Variants in PRKAG2 observed in about 807,000 individuals in gnomAD.
The protein encoded by PRKAG2 is 5'-AMP-activated protein kinase subunit gamma-2.
PRKAG2 carries 26 observed loss-of-function variants against 69.6 expected under a neutral mutation model. The observed-to-expected ratio is 0.37, with a 90% CI of 0.27 to 0.52. The LOEUF (loss-of-function observed/expected upper bound fraction) is 0.52. Ranked by LOEUF, PRKAG2 falls within the 20% of genes least tolerant of loss-of-function variation. The probability of loss-of-function intolerance (pLI) is 0.90; values close to 1 mark genes in which losing one functional copy is unlikely to be tolerated. For missense variants in PRKAG2, 557 were observed against 740.0 expected, an observed-to-expected ratio of 0.75 and a Z score of 2.87; for synonymous variants, 293 against 285.0, an observed-to-expected ratio of 1.03 and a Z score of -0.28.
intron 1 of PRKAG2, among the ~76,000 whole-genome samples, chr7:151,868,191 T>C (rs929740419): frequency 1.3e-5 from 2 of 152,138 alleles, no homozygotes; most frequent in African/African-American, 4.8e-5. Context: ...CAACAGGAAG[T>C]AAAGGACAGG....
rs187554012 is a variant in PRKAG2 at position 151,635,080 on chromosome 7, G to A, written c.685-2942C>T. Among the ~76,000 whole-genome samples the A allele has an allele frequency of 2.9e-3, 444 of 151,942 alleles. 1 individual carries two copies. Among genetic ancestry groups the A allele is most frequent in the African/African-American group, 0.01 (423 of 41,418 alleles). The stretch of plus-strand genomic sequence containing the variant: ...TTTTCCTGTCTCAGCCTCCTGAGTA[G>A]CTAGGATTACAGGCACATGCTACCA... On this transcript the variant is annotated intron_variant, in intron 4 of 15. Transcript: ENST00000287878.
chr7:151,575,318 G>A (rs1808628873), intron 7 of PRKAG2, among the ~76,000 whole-genome samples: 1 of 152,134 alleles, frequency 6.6e-6, no homozygotes, highest in Non-Finnish European at 1.5e-5. Flanking sequence ...ACAATTCTGG[G>A]CACTTGGATT....
rs189161053 is a variant in PRKAG2 at position 151,804,968 on chromosome 7, G to A, written c.115-18427C>T. 3.5e-4 allele frequency among the ~76,000 whole-genome samples: 53 copies of A among 152,296 alleles called. 1 individual carries two copies. The highest frequency in any genetic ancestry group is 1.2e-3 in the African/African-American group (48 of 41,550). The stretch of plus-strand genomic sequence containing the variant: ...ACTGTCAAAGTCTGAAAGCCGCTGC[G>A]GAAGTGGCTCAACGCATGGCAGGCA... On this transcript the variant is annotated intron_variant, in intron 1 of 15. Transcript: ENST00000287878.
At chr7:151,765,338 G>A (rs2075676927) in intron 3 of PRKAG2, among the ~76,000 whole-genome samples, 1 of 152,172 alleles carries the variant, frequency 6.6e-6, no homozygotes, top group Non-Finnish European at 1.5e-5. Context: ...CAGATCTCGT[G>A]AGAACTCATT....
chr7:151,846,860 T>G (rs1480216946), intron 1 of PRKAG2, among the ~76,000 whole-genome samples: 1 of 152,230 alleles, frequency 6.6e-6, no homozygotes, highest in African/African-American at 2.4e-5. Context: ...CTTGGTCATA[T>G]TTGAAGAGGA....
At chr7:151,672,769 A>G (rs1832272835) in intron 4 of PRKAG2, among the ~76,000 whole-genome samples, 2 of 152,028 alleles carry the variant, frequency 1.3e-5, no homozygotes, top group Non-Finnish European at 2.9e-5. Context: ...TTGTTTATCC[A>G]TTCACGACAT....
chr7:151,575,018 G>T (rs1157099004), intron 7 of PRKAG2, 69 bp from the exon 8 acceptor site: 3 of 1,592,236 alleles, frequency 1.9e-6, no homozygotes, highest in Middle Eastern at 2.2e-4. Context: ...AATGACAAGT[G>T]AGCCTAGAAT....
At chr7:151,725,656 CAATT>C (rs959458171) in intron 3 of PRKAG2, among the ~76,000 whole-genome samples, 2 of 151,774 alleles carry the variant, frequency 1.3e-5, no homozygotes, top group African/African-American at 4.8e-5. Flanking sequence ...GGCAAAAATA[CAATT>C]ATTTATAATT....
At chr7:151,672,735 T>G (rs112882867) in intron 4 of PRKAG2, among the ~76,000 whole-genome samples, 6 of 152,184 alleles carry the variant, frequency 3.9e-5, no homozygotes, top group Non-Finnish European at 7.3e-5. Flanking sequence ...CTGGGTACTA[T>G]TCCATCATCT....
At chr7:151,743,425 T>A (rs1313228648) in intron 3 of PRKAG2, among the ~76,000 whole-genome samples, 2 of 152,160 alleles carry the variant, frequency 1.3e-5, no homozygotes, top group Non-Finnish European at 2.9e-5. Context: ...GGGAGTGAAA[T>A]CAGAGCTCAG....
chr7:151,806,863 G>A (rs903803639), intron 1 of PRKAG2: 5 of 409,950 alleles, frequency 1.2e-5, no homozygotes, highest in African/African-American at 1.0e-4. Flanking sequence ...CTACTCAGGA[G>A]GCTGAGCCAC....
intron 6 of PRKAG2, among the ~76,000 whole-genome samples, chr7:151,587,053 C>T (rs973439547): frequency 1.4e-4 from 21 of 152,126 alleles, no homozygotes; most frequent in African/African-American, 4.6e-4. Flanking sequence ...CCTAGCTTCT[C>T]GGGAGGCTGA....
intron 3 of PRKAG2, among the ~76,000 whole-genome samples, chr7:151,725,299 AC>A (rs1454611973): frequency 6.6e-6 from 1 of 152,024 alleles, no homozygotes; most frequent in Middle Eastern, 3.2e-3. Flanking sequence ...ACAAACAAAT[AC>A]TGTCTGATTC....
intron 4 of PRKAG2, among the ~76,000 whole-genome samples, chr7:151,650,828 TTGAG>T (rs1025804716): frequency 2.0e-5 from 3 of 152,316 alleles, no homozygotes; most frequent in South Asian, 2.1e-4. Flanking sequence ...ATCTCAGCTC[TTGAG>T]TATGTGTCTT....
At chr7:151,842,372 G>A (rs1411934561) in intron 1 of PRKAG2, among the ~76,000 whole-genome samples, 8 of 112,004 alleles carry the variant, frequency 7.1e-5, no homozygotes, top group Non-Finnish European at 1.6e-4. Context: ...GGATGGTAGT[G>A]ATGGTAGGTG....
chr7:151,728,070 A>G (rs1333298409), intron 3 of PRKAG2, among the ~76,000 whole-genome samples: 23 of 152,026 alleles, frequency 1.5e-4, no homozygotes. Context: ...GGCCCAGCAG[A>G]GTGTTTGACC....
chr7:151,603,564 C>G (rs544590865), intron 5 of PRKAG2, among the ~76,000 whole-genome samples: 30 of 133,388 alleles, frequency 2.2e-4, no homozygotes, highest in Non-Finnish European at 4.0e-4. Context: ...TCACCGCACA[C>G]GGAGGGACAC....
rs1394397520 is a variant in PRKAG2, at chr7:151,788,707, G to T, written c.115-2166C>A. Among the ~76,000 whole-genome samples, 1 of 152,186 alleles carries T rather than the reference G, an allele frequency of 6.6e-6. No homozygotes were observed. The highest frequency in any genetic ancestry group is 1.5e-5 in the Non-Finnish European group (1 of 68,032). On this transcript the variant is annotated intron_variant, in intron 1 of 15. Coordinates refer to ENST00000287878, the MANE Select transcript of PRKAG2 (RefSeq NM_016203.4). This position sits in a 1 kb window ranked among gnomAD's most constrained non-coding sequence, Gnocchi z 4.6. ...CCTGTGCTTTTGGTGTTGTATTCAA[G>T]AAATCACTGCCAAATTCAGTGTCAT...
chr7:151,666,403 C>T (rs1455820855), intron 4 of PRKAG2, among the ~76,000 whole-genome samples: 1 of 152,324 alleles, frequency 6.6e-6, no homozygotes, highest in Admixed American at 6.5e-5. Context: ...AGAAACTGAA[C>T]CTGCCAACAC....
Sources: gnomAD v4.1 joint callset for allele counts (sites outside exome capture counted in the v4.1 genomes callset) on GRCh38, gnomAD v4.1.1 for gene constraint, Gnocchi (gnomAD v3.1) non-coding constraint, MANE v1.5 for transcripts, NCBI Gene and HGNC (gene_info 2026-07-23, HGNC 2026-07-21) for gene names.